Variants in SHISA9 observed in about 807,000 individuals in gnomAD.
SHISA9 encodes the protein shisa family member 9.
In SHISA9, 13 loss-of-function variants were observed where a neutral mutation model predicts 38.0. The observed-to-expected ratio is 0.34, with a 90% CI of 0.22 to 0.54. SHISA9 has a LOEUF of 0.54. Ranked by LOEUF, SHISA9 falls within the 20% of genes least tolerant of loss-of-function variation. The pLI is 0.91. For synonymous variants in SHISA9, 275 were observed against 242.0 expected, an observed-to-expected ratio of 1.14 and a Z score of -1.27; for missense variants, 538 against 575.8, an observed-to-expected ratio of 0.93 and a Z score of 0.67.
intron 2 of SHISA9, among the ~76,000 whole-genome samples, chr16:13,167,967 G>C (rs977565063): frequency 6.6e-6 from 1 of 152,110 alleles, no homozygotes; most frequent in African/African-American, 2.4e-5. Flanking sequence ...ATGGCTGATA[G>C]TTTCTCATTA....
the SHISA9 span, among the ~76,000 whole-genome samples, chr16:13,459,860 T>A: frequency 1.3e-5 from 2 of 152,160 alleles, no homozygotes; most frequent in South Asian, 2.1e-4. Flanking sequence ...AAGAAACAAG[T>A]GTGTATGAGT....
At chr16:12,945,576 T>C (rs551630426) in intron 2 of SHISA9, among the ~76,000 whole-genome samples, 1 of 152,350 alleles carries the variant, frequency 6.6e-6, no homozygotes, top group African/African-American at 2.4e-5. Flanking sequence ...AAATAATTGT[T>C]ACAAGAACAA....
At chr16:13,553,717 A>C in the SHISA9 span, among the ~76,000 whole-genome samples, 1 of 152,210 alleles carries the variant, frequency 6.6e-6, no homozygotes, top group African/African-American at 2.4e-5. Context: ...TCTAAAGAAA[A>C]TTTCTTGTGG....
the SHISA9 span, among the ~76,000 whole-genome samples, chr16:13,418,046 C>T: frequency 5.9e-5 from 9 of 152,172 alleles, no homozygotes; most frequent in Admixed American, 3.9e-4. Flanking sequence ...TTTATTACTT[C>T]CTTTGCTCCT....
intron 3 of SHISA9, among the ~76,000 whole-genome samples, chr16:13,210,770 T>C (rs1260790081): frequency 1.3e-5 from 2 of 152,212 alleles, no homozygotes; most frequent in Admixed American, 6.5e-5. Context: ...AAGCTTAGCA[T>C]AGTTATTTCC....
intron 2 of SHISA9, among the ~76,000 whole-genome samples, chr16:12,950,929 TA>T (rs372235612): frequency 2.4e-4 from 36 of 148,978 alleles, no homozygotes; most frequent in Non-Finnish European, 5.3e-4. Context: ...TTTTTTTTTT[TA>T]AATGTGGCTA....
rs1046525579 is a variant in SHISA9, at chr16:13,019,503, A to G, written c.691+102688A>G. Among the ~76,000 whole-genome samples, 3 of 151,250 alleles carry G rather than the reference A, an allele frequency of 2.0e-5. No homozygotes were observed. The East Asian group carries it at 5.8e-4, about 29-fold the overall frequency. On this transcript the variant is annotated intron_variant, in intron 2 of 4. Coordinates refer to ENST00000558583, the MANE Select transcript of SHISA9 (RefSeq NM_001145204.3). ...AAAAAAATTATTATTGTGGTTAACT[A>G]TACATAATCACAAAGTCTCTGATTT...
chr16:12,978,317 G>C (rs2072193038), intron 2 of SHISA9, among the ~76,000 whole-genome samples: 1 of 152,192 alleles, frequency 6.6e-6, no homozygotes, highest in African/African-American at 2.4e-5. Context: ...ATTTTCATAA[G>C]TGCAGCCCTG....
At chr16:12,954,433 T>A (rs1434289391) in intron 2 of SHISA9, among the ~76,000 whole-genome samples, 5 of 152,184 alleles carry the variant, frequency 3.3e-5, no homozygotes, top group African/African-American at 1.2e-4. Flanking sequence ...GTTGGAGGAT[T>A]ACATGGGGAA....
chr16:13,275,911 T>A, the SHISA9 span, among the ~76,000 whole-genome samples: 6 of 151,980 alleles, frequency 3.9e-5, no homozygotes, highest in Admixed American at 3.9e-4. Flanking sequence ...TTTTATTTTT[T>A]ATTTTTAAAA....
chr16:13,424,355 C>CCCACTTCTTGG, the SHISA9 span, among the ~76,000 whole-genome samples: 3 of 152,190 alleles, frequency 2.0e-5, no homozygotes, highest in Non-Finnish European at 2.9e-5. Flanking sequence ...TCCAATGTTG[C>CCCACTTCTTGG]CCACTTCTTG....
chr16:13,142,738 A>AG (rs1245231114), intron 2 of SHISA9, among the ~76,000 whole-genome samples: 1 of 151,992 alleles, frequency 6.6e-6, no homozygotes, highest in Non-Finnish European at 1.5e-5. Context: ...TATTTCACAG[A>AG]GTGGGGGGGA....
chr16:13,199,076 A>G (rs541746957), intron 2 of SHISA9, among the ~76,000 whole-genome samples: 1 of 152,142 alleles, frequency 6.6e-6, no homozygotes, highest in African/African-American at 2.4e-5. Context: ...CTGTAGAATT[A>G]TTTTTTTTCT....
the SHISA9 span, among the ~76,000 whole-genome samples, chr16:13,471,445 T>C: frequency 6.6e-6 from 1 of 152,266 alleles, no homozygotes; most frequent in Admixed American, 6.5e-5. Context: ...CTCTCCTTTT[T>C]CCTCATGGGA....
chr16:13,444,327 C>T, the SHISA9 span, among the ~76,000 whole-genome samples: 3 of 146,964 alleles, frequency 2.0e-5, no homozygotes, highest in Non-Finnish European at 4.5e-5. Context: ...GCTGAGATCA[C>T]ACCACTGAAC....
the SHISA9 span, among the ~76,000 whole-genome samples, chr16:13,452,641 A>T: frequency 2.6e-5 from 4 of 152,150 alleles, no homozygotes; most frequent in African/African-American, 7.2e-5. Flanking sequence ...AGAAAAGCTG[A>T]TCACATCATT....
intron 2 of SHISA9, among the ~76,000 whole-genome samples, chr16:12,966,687 T>C (rs1426964296): frequency 6.6e-6 from 1 of 152,246 alleles, no homozygotes; most frequent in Non-Finnish European, 1.5e-5. Context: ...CTTGGAAGAC[T>C]GAGAAGGCCC....
chr16:13,514,905 A>G, the SHISA9 span, among the ~76,000 whole-genome samples: 1 of 152,156 alleles, frequency 6.6e-6, no homozygotes, highest in Admixed American at 6.5e-5. Flanking sequence ...AATACACATT[A>G]TGTAAAAAGG....
At chr16:12,940,203 C>T (rs2141756192) in intron 2 of SHISA9, among the ~76,000 whole-genome samples, 1 of 152,316 alleles carries the variant, frequency 6.6e-6, no homozygotes, top group Admixed American at 6.5e-5. Context: ...GAGGCCAGAG[C>T]TTGGGCTTGG....
Sources: gnomAD v4.1 joint callset for allele counts (sites outside exome capture counted in the v4.1 genomes callset) on GRCh38, gnomAD v4.1.1 for gene constraint, MANE v1.5 for transcripts, NCBI Gene and HGNC (gene_info 2026-07-23, HGNC 2026-07-21) for gene names.